Variants in FHAD1 observed in about 807,000 individuals in gnomAD.
The protein encoded by FHAD1 is forkhead associated phosphopeptide binding domain 1, also known as forkhead-associated domain-containing protein 1.
FHAD1 carries 146 observed loss-of-function variants against 191.3 expected under a neutral mutation model. The observed-to-expected ratio is 0.76, with a 90% CI of 0.67 to 0.88. The LOEUF is 0.88. Ranked by LOEUF, FHAD1 falls within the 40% of genes least tolerant of loss-of-function variation. The probability of loss-of-function intolerance (pLI) is 0.00; values close to 1 mark genes in which losing one functional copy is unlikely to be tolerated. For synonymous variants in FHAD1, 616 were observed against 672.3 expected (o/e 0.92, Z 1.29); for missense variants, 1,635 against 1,785.8 (o/e 0.92, Z 1.52).
intron 3 of FHAD1, among the ~76,000 whole-genome samples, chr1:15,282,993 G>A (rs922534580): frequency 3.0e-4 from 46 of 152,228 alleles, no homozygotes; most frequent in African/African-American, 9.9e-4. Context: ...TGGCAGGAGC[G>A]GGGCTGCTAC....
At chr1:15,284,880 C>A (rs553710172) in intron 3 of FHAD1, among the ~76,000 whole-genome samples, 2 of 151,964 alleles carry the variant, frequency 1.3e-5, no homozygotes, top group African/African-American at 4.8e-5. Flanking sequence ...AAAGAAAAAA[C>A]CACCACGCCA....
intron 16 of FHAD1, 94 bp from the exon 17 acceptor site, chr1:15,344,989 T>C (rs933215635): frequency 2.2e-6 from 2 of 920,214 alleles, no homozygotes; most frequent in African/African-American, 1.6e-5. Flanking sequence ...GGGAGTGCGG[T>C]GAGGAGTGAA....
chr1:15,299,199 C>CAAAAAAA (rs35299485), intron 5 of FHAD1, among the ~76,000 whole-genome samples: 1,701 of 46,318 alleles, frequency 0.037, 164 homozygotes, highest in African/African-American at 0.12. Context: ...GACCCTGTCT[C>CAAAAAAA]AAAAAAAAAA....
At position 15,339,524 on chromosome 1, in the gene FHAD1, A is replaced by T; in HGVS notation, c.1950A>T (p.Lys650Asn). 7.8e-7 allele frequency: 1 copy of T among 1,288,144 alleles called. No homozygotes were observed. Among genetic ancestry groups the T allele is most frequent in the South Asian group, 1.3e-5 (1 of 78,550 alleles). 79.8% of individuals were successfully genotyped at this position (1,288,144 alleles called of 1,614,324 possible). ...YLIYLLEHYK[K>N]LMSQAQELQI... The stretch of plus-strand genomic sequence containing the variant: ...TATATCTTCTGGAACATTATAAAAA[A>T]CTTATGAGCCAGGCCCAGGAACTTC... The change falls in exon 15 of 34, where the codon AAA becomes AAT. Residue 650 changes from lysine (K) to asparagine (N), a missense_variant. Transcript: ENST00000688493.
At chr1:15,351,489 T>C (rs572305269) in intron 19 of FHAD1, among the ~76,000 whole-genome samples, 2 of 152,332 alleles carry the variant, frequency 1.3e-5, no homozygotes, top group African/African-American at 4.8e-5. Context: ...CCTGGTGCTG[T>C]GACCTTGGAA....
At chr1:15,260,752 C>T (rs1650644037) in intron 2 of FHAD1, among the ~76,000 whole-genome samples, 1 of 152,246 alleles carries the variant, frequency 6.6e-6, no homozygotes, top group African/African-American at 2.4e-5. Flanking sequence ...TCTGACTCAT[C>T]TCTCCAACTC....
At chr1:15,237,492 C>T in intron 1 of FHAD1, among the ~76,000 whole-genome samples, 1 of 152,144 alleles carries the variant, frequency 6.6e-6, no homozygotes, top group South Asian at 2.1e-4. Flanking sequence ...CCTGACCCCA[C>T]AAGCTCCACC....
chr1:15,336,262 CG>C (rs1423236373), intron 14 of FHAD1, among the ~76,000 whole-genome samples: 1 of 152,134 alleles, frequency 6.6e-6, no homozygotes, highest in Non-Finnish European at 1.5e-5. Context: ...ATTAGAAAAA[CG>C]TATCAAACTC....
intron 21 of FHAD1, 106 bp downstream of exon 21, chr1:15,358,389 T>C (rs1693556946): frequency 1.7e-6 from 2 of 1,150,600 alleles, no homozygotes; most frequent in Admixed American, 3.1e-5. Flanking sequence ...TCAGCACTGC[T>C]GATGTTCTGG....
At chr1:15,262,400 T>C (rs137924718) in intron 2 of FHAD1, among the ~76,000 whole-genome samples, 161 of 152,230 alleles carry the variant, frequency 1.1e-3, no homozygotes, top group African/African-American at 3.5e-3. Flanking sequence ...GAAACTGAGG[T>C]CCCAAGGGAA....
chr1:15,339,165 C>T (rs1025105407), intron 14 of FHAD1, among the ~76,000 whole-genome samples: 1 of 152,040 alleles, frequency 6.6e-6, no homozygotes, highest in Non-Finnish European at 1.5e-5. Flanking sequence ...TACAAACATG[C>T]GCCACCACAC....
chr1:15,322,186 G>A (rs1237726925), intron 10 of FHAD1, among the ~76,000 whole-genome samples: 4 of 152,036 alleles, frequency 2.6e-5, no homozygotes, highest in African/African-American at 4.8e-5. Context: ...CATTAGTTTT[G>A]GAGTGTGGGC....
chr1:15,315,321 A>G (rs1674009996), intron 8 of FHAD1: 1 of 152,114 alleles, frequency 6.6e-6, no homozygotes, highest in South Asian at 2.1e-4. Flanking sequence ...TGTAACAGAT[A>G]TATAACAACA....
intron 2 of FHAD1, among the ~76,000 whole-genome samples, chr1:15,260,051 C>T (rs768628959): frequency 6.6e-6 from 1 of 152,206 alleles, no homozygotes; most frequent in Non-Finnish European, 1.5e-5. Flanking sequence ...GAACCCCCTC[C>T]TCAAAAGGCT....
At chr1:15,383,125 T>C in intron 31 of FHAD1, 1 of 471,708 alleles carries the variant, frequency 2.1e-6, no homozygotes, top group Non-Finnish European at 4.4e-6. Flanking sequence ...GCAGATCTCT[T>C]TGCCTCTCTG....
intron 3 of FHAD1, among the ~76,000 whole-genome samples, chr1:15,278,347 G>T (rs1391788656): frequency 6.6e-6 from 1 of 152,166 alleles, no homozygotes; most frequent in African/African-American, 2.4e-5. Flanking sequence ...GAGGATAGGA[G>T]ATTCTGGGGA....
intron 24 of FHAD1, among the ~76,000 whole-genome samples, 183 bp downstream of exon 24, chr1:15,366,116 C>T (rs1199751980): frequency 6.6e-6 from 1 of 151,802 alleles, no homozygotes; most frequent in Non-Finnish European, 1.5e-5. Flanking sequence ...TGAAAACCCA[C>T]CTCTACTAAA....
At chr1:15,349,531 A>C (rs765235196) in intron 19 of FHAD1, among the ~76,000 whole-genome samples, 12 of 152,210 alleles carry the variant, frequency 7.9e-5, no homozygotes, top group Non-Finnish European at 1.6e-4. Flanking sequence ...AGTGAGCATC[A>C]TCCTCACAGT....
chr1:15,375,848 T>C, intron 28 of FHAD1, 118 bp downstream of exon 28: 1 of 1,165,598 alleles, frequency 8.6e-7, no homozygotes, highest in Non-Finnish European at 1.2e-6. Context: ...GGCTGGCTGC[T>C]GTCTATACTC....
Sources: gnomAD v4.1 joint callset for allele counts (sites outside exome capture counted in the v4.1 genomes callset) on GRCh38, gnomAD v4.1.1 for gene constraint, MANE v1.5 for transcripts, NCBI Gene and HGNC (gene_info 2026-07-23, HGNC 2026-07-21) for gene names.